AGBL4: variants seen among roughly 807,000 people sequenced by gnomAD.
AGBL4 encodes the protein AGBL carboxypeptidase 4, also known as cytosolic carboxypeptidase 6.
A neutral mutation model predicts 66.4 loss-of-function variants in AGBL4; 58 were observed. The ratio of observed to expected loss-of-function variants is 0.87; its 90% CI spans 0.71 to 1.09. The LOEUF is 1.09. Among genes scored for constraint, AGBL4 ranks in the 50% least tolerant of loss-of-function variants. The pLI, the probability that AGBL4 is intolerant of heterozygous loss-of-function variation, is 0.00. For synonymous variants in AGBL4, 234 were observed against 222.9 expected (o/e 1.05, Z -0.44); for missense variants, 579 against 631.0 (o/e 0.92, Z 0.88).
At chr1:49,135,685 C>T (rs1645997060) in intron 4 of AGBL4, among the ~76,000 whole-genome samples, 1 of 152,202 alleles carries the variant, frequency 6.6e-6, no homozygotes, top group African/African-American at 2.4e-5. Flanking sequence ...ACAGATCGCT[C>T]ATGCTATTGT....
intron 4 of AGBL4, among the ~76,000 whole-genome samples, chr1:49,096,445 T>C (rs535347766): frequency 6.6e-6 from 1 of 151,780 alleles, no homozygotes; most frequent in East Asian, 1.9e-4. Flanking sequence ...AACCCAAATG[T>C]CCAACAATGA....
At chr1:49,268,633 G>A (rs2148381170) in intron 3 of AGBL4, among the ~76,000 whole-genome samples, 1 of 152,054 alleles carries the variant, frequency 6.6e-6, no homozygotes, top group African/African-American at 2.4e-5. Flanking sequence ...CCCTTGAGGG[G>A]GCCTTTCTAC....
At chr1:49,424,405 C>T (rs1008335782) in intron 3 of AGBL4, among the ~76,000 whole-genome samples, 12 of 152,262 alleles carry the variant, frequency 7.9e-5, no homozygotes, top group Non-Finnish European at 8.8e-5. Flanking sequence ...ACCCAGAATG[C>T]TTTGTTTTGT....
intron 3 of AGBL4, among the ~76,000 whole-genome samples, chr1:49,402,851 G>C (rs1275220517): frequency 6.6e-6 from 1 of 152,168 alleles, no homozygotes; most frequent in Non-Finnish European, 1.5e-5. Context: ...ACAGGCATGA[G>C]CCACTGCACC....
chr1:48,824,505 T>G (rs142862573), intron 6 of AGBL4, among the ~76,000 whole-genome samples: 382 of 152,240 alleles, frequency 2.5e-3, no homozygotes, highest in African/African-American at 8.5e-3. Context: ...AATGTTAAAA[T>G]GTAAGACTGG....
intron 5 of AGBL4, among the ~76,000 whole-genome samples, chr1:48,923,039 G>T (rs1473139799): frequency 1.3e-5 from 2 of 149,720 alleles, no homozygotes; most frequent in Admixed American, 1.3e-4. Context: ...TTTTCTGTAT[G>T]CACAAAATCT....
intron 4 of AGBL4, among the ~76,000 whole-genome samples, chr1:49,159,844 T>G (rs1218101780): frequency 2.0e-5 from 3 of 152,210 alleles, no homozygotes; most frequent in African/African-American, 7.2e-5. Flanking sequence ...TTTCTTGTGC[T>G]TGATTGATTT....
chr1:49,072,607 A>T (rs1644629923), intron 4 of AGBL4, among the ~76,000 whole-genome samples: 1 of 152,062 alleles, frequency 6.6e-6, no homozygotes, highest in Admixed American at 6.6e-5. Context: ...CTGCAGAGAG[A>T]TCTGCTGTTA....
At chr1:48,712,244 T>C (rs953037848) in intron 6 of AGBL4, among the ~76,000 whole-genome samples, 1 of 152,116 alleles carries the variant, frequency 6.6e-6, no homozygotes, top group Non-Finnish European at 1.5e-5. Flanking sequence ...TGTTGAGAAG[T>C]ACTGTGGGCC....
chr1:50,011,360 C>G (rs1474988907), intron 1 of AGBL4, among the ~76,000 whole-genome samples: 2 of 152,094 alleles, frequency 1.3e-5, no homozygotes, highest in Non-Finnish European at 2.9e-5. Flanking sequence ...GTTAAAATGT[C>G]TTATGTCAAA....
intron 3 of AGBL4, among the ~76,000 whole-genome samples, chr1:49,483,083 T>G (rs1313114450): frequency 6.6e-6 from 1 of 152,116 alleles, no homozygotes; most frequent in Non-Finnish European, 1.5e-5. Context: ...ATGAGAAGAA[T>G]GTATATTCTG....
At chr1:49,062,861 G>A (rs2147914931) in intron 4 of AGBL4, among the ~76,000 whole-genome samples, 1 of 152,236 alleles carries the variant, frequency 6.6e-6, no homozygotes, top group South Asian at 2.1e-4. Context: ...TCATCTCCCT[G>A]TGTATGGCAT....
chr1:48,670,957 T>C (rs1646267023), intron 6 of AGBL4, among the ~76,000 whole-genome samples: 2 of 152,218 alleles, frequency 1.3e-5, no homozygotes, highest in Non-Finnish European at 2.9e-5. Flanking sequence ...CTTTCAACAA[T>C]TCCACGAGGA....
At chr1:49,801,870 A>G (rs1196320795) in intron 2 of AGBL4, among the ~76,000 whole-genome samples, 1 of 152,236 alleles carries the variant, frequency 6.6e-6, no homozygotes, top group Non-Finnish European at 1.5e-5. Flanking sequence ...TGTTTGAAAT[A>G]CGTCTGTTAT....
intron 3 of AGBL4, among the ~76,000 whole-genome samples, chr1:49,336,277 G>A (rs1208954623): frequency 6.6e-6 from 1 of 152,172 alleles, no homozygotes; most frequent in Non-Finnish European, 1.5e-5. Context: ...CAAGGCAAGA[G>A]AAGACCAAAG....
At chr1:49,654,874 C>T (rs1453609873) in intron 3 of AGBL4, among the ~76,000 whole-genome samples, 2 of 152,148 alleles carry the variant, frequency 1.3e-5, no homozygotes, top group Non-Finnish European at 2.9e-5. Context: ...GACTCTTTAT[C>T]CAATTTGCCA....
intron 1 of AGBL4, among the ~76,000 whole-genome samples, chr1:49,937,670 C>A (rs563611245): frequency 6.6e-6 from 1 of 152,070 alleles, no homozygotes; most frequent in African/African-American, 2.4e-5. Flanking sequence ...CAAACTAGAA[C>A]GCAGGATTAA....
chr1:48,705,742 T>A (rs1253607290), intron 6 of AGBL4, among the ~76,000 whole-genome samples: 1 of 152,152 alleles, frequency 6.6e-6, no homozygotes, highest in Non-Finnish European at 1.5e-5. Flanking sequence ...CCCAATTAAA[T>A]AGAAAGCAGA....
chr1:49,659,448 G>A (rs1264944768), intron 3 of AGBL4, among the ~76,000 whole-genome samples: 1 of 152,160 alleles, frequency 6.6e-6, no homozygotes, highest in Non-Finnish European at 1.5e-5. Context: ...TAAAGGGATG[G>A]AGGAAAATTT....
Sources: gnomAD v4.1 joint callset for allele counts (sites outside exome capture counted in the v4.1 genomes callset) on GRCh38, gnomAD v4.1.1 for gene constraint, MANE v1.5 for transcripts, NCBI Gene and HGNC (gene_info 2026-07-23, HGNC 2026-07-21) for gene names.